Variants in SCD5 observed in about 807,000 individuals in gnomAD.
SCD5 encodes acyl-CoA-desaturase 4.
Under a neutral mutation model 30.4 loss-of-function variants are expected in SCD5, and 20 were observed. The observed-to-expected ratio is 0.66, with a 90% CI of 0.46 to 0.96. The LOEUF (loss-of-function observed/expected upper bound fraction) is 0.96. Among genes scored for constraint, SCD5 ranks in the 40% least tolerant of loss-of-function variants. The pLI, the probability that SCD5 is intolerant of heterozygous loss-of-function variation, is 0.00. For missense variants in SCD5, 381 were observed against 443.3 expected, an observed-to-expected ratio of 0.86 and a Z score of 1.26; for synonymous variants, 173 against 176.4, an observed-to-expected ratio of 0.98 and a Z score of 0.16.
chr4:82,664,985 C>CTATA (rs1369196128), intron 3 of SCD5, among the ~76,000 whole-genome samples: 3 of 109,342 alleles, frequency 2.7e-5, no homozygotes, highest in South Asian at 3.2e-4. Flanking sequence ...CTCTCTCTCT[C>CTATA]TCTCTCTCTC....
In SCD5 at chr4:82,680,911, T is replaced by C. The variant is rs746686266; in HGVS notation, c.365A>G (p.Asn122Ser). 6 of 1,611,154 alleles carry C rather than the reference T, an allele frequency of 3.7e-6. No homozygotes were observed. The highest frequency in any genetic ancestry group is 4.2e-6 in the Non-Finnish European group (5 of 1,179,828). Residue 122 changes from asparagine (N) to serine (S), a missense_variant and splice_region_variant, in exon 3 of 5, where the codon AAT becomes AGT. Physicochemically the swap from Asn to Ser is conservative, Grantham distance 46 (BLOSUM62 1). Coordinates refer to ENST00000319540, the MANE Select transcript of SCD5 (RefSeq NM_001037582.3). ...LAVANSMAFQNDIFEWSRDHR... is the reference protein window; with the variant it reads ...LAVANSMAFQSDIFEWSRDHR... ...GTCCCTGGACCACTCGAAGATGTCA[T>C]TCTGCAGAGAGAATGAGAGCCTGAG...
At chr4:82,714,193 G>A (rs1056277199) in intron 1 of SCD5, among the ~76,000 whole-genome samples, 1 of 152,088 alleles carries the variant, frequency 6.6e-6, no homozygotes, top group Non-Finnish European at 1.5e-5. Flanking sequence ...AACCTCTCTT[G>A]ACCCCACTTC....
At chr4:82,672,592 G>C (rs909934828) in intron 3 of SCD5, among the ~76,000 whole-genome samples, 2 of 151,888 alleles carry the variant, frequency 1.3e-5, no homozygotes, top group African/African-American at 2.4e-5. Flanking sequence ...GTTCTATTTT[G>C]GTGAATTCGA....
intron 3 of SCD5, among the ~76,000 whole-genome samples, chr4:82,671,670 G>A (rs976407014): frequency 2.0e-5 from 3 of 152,188 alleles, no homozygotes; most frequent in Non-Finnish European, 4.4e-5. Context: ...CTGAAATCAG[G>A]AGTTCGAAAC....
chr4:82,665,875 A>G (rs1300822815), intron 3 of SCD5, among the ~76,000 whole-genome samples: 1 of 152,184 alleles, frequency 6.6e-6, no homozygotes, highest in South Asian at 2.1e-4. Flanking sequence ...TACATAAAAA[A>G]CTTTAGAAAA....
chr4:82,751,002 T>C (rs1490498817), intron 1 of SCD5, among the ~76,000 whole-genome samples: 2 of 152,222 alleles, frequency 1.3e-5, no homozygotes, highest in Non-Finnish European at 2.9e-5. Context: ...TATTAACCTC[T>C]GTGACTATGT....
intron 3 of SCD5, chr4:82,660,950 G>C (rs375428239): frequency 1.3e-5 from 21 of 1,614,104 alleles, no homozygotes; most frequent in Non-Finnish European, 1.7e-5. Flanking sequence ...CAATGAGTAT[G>C]TAACAAAGCT....
intron 1 of SCD5, among the ~76,000 whole-genome samples, chr4:82,763,328 A>G (rs1057132217): frequency 6.6e-5 from 10 of 152,152 alleles, no homozygotes; most frequent in African/African-American, 2.2e-4. Context: ...CCTGGCCAAC[A>G]TGGTGAAACC....
chr4:82,734,302 C>G (rs1397794483), intron 1 of SCD5, among the ~76,000 whole-genome samples: 1 of 152,138 alleles, frequency 6.6e-6, no homozygotes, highest in Admixed American at 6.5e-5. Context: ...CCAAACCAAA[C>G]AAAACAATCC....
intron 3 of SCD5, among the ~76,000 whole-genome samples, chr4:82,643,190 G>A (rs1727578443): frequency 6.6e-6 from 1 of 152,170 alleles, no homozygotes; most frequent in Admixed American, 6.5e-5. Flanking sequence ...AGCCACTGCA[G>A]GAAATGGTTT....
chr4:82,694,685 A>C (rs761042775), intron 2 of SCD5, among the ~76,000 whole-genome samples: 1 of 152,332 alleles, frequency 6.6e-6, no homozygotes, highest in East Asian at 1.9e-4. Context: ...AAAGAAAATC[A>C]TAAGAAGAGA....
At chr4:82,731,171 G>T (rs574092480) in intron 1 of SCD5, among the ~76,000 whole-genome samples, 13 of 152,320 alleles carry the variant, frequency 8.5e-5, no homozygotes, top group African/African-American at 2.9e-4. Context: ...GGGGCAGAGA[G>T]GATACAGCAG....
chr4:82,789,248 T>C (rs3857141), intron 1 of SCD5, among the ~76,000 whole-genome samples: 31,586 of 152,136 alleles, frequency 0.21, 3,647 homozygotes, highest in African/African-American at 0.31. Flanking sequence ...AAGATTTTAA[T>C]AACAGCCTTT....
intron 2 of SCD5, among the ~76,000 whole-genome samples, chr4:82,702,870 T>C (rs554668822): frequency 6.6e-6 from 1 of 152,378 alleles, no homozygotes; most frequent in East Asian, 1.9e-4. Flanking sequence ...TTTAAATAAA[T>C]TGTTCTAGAC....
intron 1 of SCD5, among the ~76,000 whole-genome samples, chr4:82,778,987 T>A (rs970674874): frequency 1.3e-5 from 2 of 151,846 alleles, no homozygotes. Context: ...CTGCCTCAGC[T>A]CCCAAGTAGC....
chr4:82,707,604 C>T (rs1247582842), intron 1 of SCD5, among the ~76,000 whole-genome samples: 1 of 152,252 alleles, frequency 6.6e-6, no homozygotes, highest in East Asian at 1.9e-4. Flanking sequence ...AGCAGATTCT[C>T]TCTTGAGCTG....
chr4:82,725,131 G>A (rs1170188881), intron 1 of SCD5, among the ~76,000 whole-genome samples: 1 of 152,178 alleles, frequency 6.6e-6, no homozygotes, highest in East Asian at 1.9e-4. Context: ...TCCAGAGTAA[G>A]GAGTTTTCCC....
At chr4:82,749,108 A>G (rs1033158863) in intron 1 of SCD5, among the ~76,000 whole-genome samples, 2 of 152,260 alleles carry the variant, frequency 1.3e-5, no homozygotes, top group Non-Finnish European at 2.9e-5. Flanking sequence ...ACAAGACAGC[A>G]AAGTTCAAAG....
At chr4:82,708,716 T>A (rs1229739173) in intron 1 of SCD5, among the ~76,000 whole-genome samples, 1 of 152,280 alleles carries the variant, frequency 6.6e-6, no homozygotes, top group Admixed American at 6.5e-5. Context: ...CTCCTGACTA[T>A]ATGACAGAGA....
Sources: allele counts gnomAD v4.1 joint callset (sites outside exome capture counted in the v4.1 genomes callset), GRCh38; gene constraint gnomAD v4.1.1; transcripts MANE v1.5; gene names NCBI Gene and HGNC (gene_info 2026-07-23, HGNC 2026-07-21).